NALCN: variants seen among roughly 807,000 people sequenced by gnomAD.
NALCN encodes sodium leak channel NALCN.
In NALCN, 111 loss-of-function variants were observed where a neutral mutation model predicts 225.3. The ratio of observed to expected loss-of-function variants is 0.49; its 90% confidence interval spans 0.42 to 0.58. The LOEUF is 0.58. Among genes scored for constraint, NALCN ranks in the 20% least tolerant of loss-of-function variants. The pLI, the probability that NALCN is intolerant of heterozygous loss-of-function variation, is 0.00. For synonymous variants in NALCN, 764 were observed against 769.0 expected, an observed-to-expected ratio of 0.99 and a Z score of 0.11; for missense variants, 1,378 against 2,202.4, an observed-to-expected ratio of 0.63 and a Z score of 7.49.
chr13:101,057,442 T>C (rs1273201890), intron 43 of NALCN: 1 of 177,524 alleles, frequency 5.6e-6, no homozygotes, highest in East Asian at 1.7e-4. Context: ...CGTAAGTGTT[T>C]GTTGTTGTTG....
At chr13:101,190,112 G>A (rs933454817) in intron 14 of NALCN, among the ~76,000 whole-genome samples, 14 of 152,024 alleles carry the variant, frequency 9.2e-5, no homozygotes, top group Non-Finnish European at 4.4e-5. Flanking sequence ...TTTTCTTCCA[G>A]CTTTCATTTT....
chr13:101,143,263 A>G (rs1403698450), intron 16 of NALCN, 42 bp from the exon 17 acceptor site: 1 of 1,550,988 alleles, frequency 6.4e-7, no homozygotes. Flanking sequence ...TTATTAGTGG[A>G]AGGGAGCAAG....
chr13:101,127,411 G>T (rs944965709), intron 17 of NALCN, among the ~76,000 whole-genome samples: 13 of 151,996 alleles, frequency 8.6e-5, no homozygotes, highest in African/African-American at 3.1e-4. Flanking sequence ...CAGGTTGGAG[G>T]GCAGTGGTGT....
At chr13:101,402,557 C>T (rs958334053) in intron 1 of NALCN, among the ~76,000 whole-genome samples, 1 of 152,194 alleles carries the variant, frequency 6.6e-6, no homozygotes. Context: ...TCCCTTGCAG[C>T]TCTCTTGGGT....
At chr13:101,237,592 A>C (rs1173122490) in intron 12 of NALCN, among the ~76,000 whole-genome samples, 163 bp downstream of exon 12, 1 of 151,552 alleles carries the variant, frequency 6.6e-6, no homozygotes, top group Non-Finnish European at 1.5e-5. Context: ...CACTTTTCTA[A>C]TTTGTAAGAT....
Position 101,081,550 on chromosome 13 carries a change from C to T in NALCN, c.3862G>A (p.Val1288Met), listed in dbSNP as rs774003752. Residue 1288 changes from valine to methionine, a missense_variant, in exon 34 of 44, where the codon GTG becomes ATG. Val to Met is a conservative substitution (Grantham distance 21). Transcript: ENST00000251127. ...LLVTSLGVVW[V>M]VLHFALLNAY... is the part of the protein sequence containing the mutation. Reference sequence around the variant, plus strand: ...ACCAGGAGGGCAAAGTGAAGCACCACCCATACAACGCCAAGCGACGTCACC... The same window carrying T: ...ACCAGGAGGGCAAAGTGAAGCACCATCCATACAACGCCAAGCGACGTCACC... 6.2e-7 allele frequency: 1 copy of T among 1,614,134 alleles called. No homozygotes were observed. The highest frequency in any genetic ancestry group is 8.5e-7 in the Non-Finnish European group (1 of 1,180,006).
chr13:101,286,398 T>A (rs1025170155), intron 9 of NALCN, among the ~76,000 whole-genome samples: 16 of 152,264 alleles, frequency 1.1e-4, no homozygotes, highest in African/African-American at 3.9e-4. Flanking sequence ...TTTCCTGTAT[T>A]TCCTTCTTCT....
At chr13:101,247,800 C>A (rs1214095678) in intron 11 of NALCN, among the ~76,000 whole-genome samples, 1 of 152,030 alleles carries the variant, frequency 6.6e-6, no homozygotes, top group Non-Finnish European at 1.5e-5. Flanking sequence ...CCTGATGCTA[C>A]CCCTCCCCCC....
intron 15 of NALCN, among the ~76,000 whole-genome samples, chr13:101,166,871 T>C (rs12583782): frequency 0.15 from 22,656 of 152,194 alleles, 2,181 homozygotes; most frequent in East Asian, 0.47. Flanking sequence ...AGGTCCTTAA[T>C]CCATTTTGAG....
chr13:101,196,525 C>A (rs544748214), intron 13 of NALCN, among the ~76,000 whole-genome samples: 103 of 152,210 alleles, frequency 6.8e-4, no homozygotes, highest in African/African-American at 2.4e-3. Context: ...AATACAGGGG[C>A]AGAGAATTAT....
rs1260718380 is a variant in NALCN, at chr13:101,266,734, C to T, written c.1135-8160G>A. On this transcript the variant is annotated intron_variant, in intron 10 of 43. Transcript: ENST00000251127. Reference sequence around the variant, plus strand: ...TCTCAGAAACCATCTTGCATATGAGCCATGAACATAAGAACAAGGACACAA... The same window carrying T: ...TCTCAGAAACCATCTTGCATATGAGTCATGAACATAAGAACAAGGACACAA... 3.9e-5 allele frequency among the ~76,000 whole-genome samples: 6 copies of T among 152,112 alleles called. No homozygotes were observed. In the South Asian group the frequency reaches 8.3e-4, roughly 21 times the overall value.
chr13:101,239,506 A>G (rs895623336), intron 11 of NALCN, among the ~76,000 whole-genome samples: 3 of 152,016 alleles, frequency 2.0e-5, no homozygotes, highest in Non-Finnish European at 2.9e-5. Flanking sequence ...AGTCACTAAC[A>G]ATCGTGGATA....
chr13:101,096,740 GC>G (rs2139581138), intron 27 of NALCN, among the ~76,000 whole-genome samples: 1 of 152,240 alleles, frequency 6.6e-6, no homozygotes, highest in South Asian at 2.1e-4. Flanking sequence ...TCTCAATAAA[GC>G]TGTTAAAAAG....
intron 7 of NALCN, among the ~76,000 whole-genome samples, chr13:101,329,269 G>C (rs1354467851): frequency 1.3e-5 from 2 of 152,164 alleles, no homozygotes; most frequent in African/African-American, 4.8e-5. Flanking sequence ...AGGTAATTCT[G>C]AATTAGGGTT....
intron 13 of NALCN, among the ~76,000 whole-genome samples, chr13:101,222,634 C>T (rs1017203449): frequency 6.6e-6 from 1 of 152,134 alleles, no homozygotes; most frequent in African/African-American, 2.4e-5. Flanking sequence ...TAGAGGCTGC[C>T]CCCTTGCCTT....
chr13:101,120,508 C>T (rs1409016364), intron 18 of NALCN, among the ~76,000 whole-genome samples: 1 of 136,790 alleles, frequency 7.3e-6, no homozygotes, highest in Non-Finnish European at 1.5e-5. Flanking sequence ...CAATGGGGAT[C>T]AATGCCAAAC....
At chr13:101,346,087 C>CTCTATATATATATATA in intron 6 of NALCN, among the ~76,000 whole-genome samples, 19 of 70,968 alleles carry the variant, frequency 2.7e-4, no homozygotes, top group African/African-American at 1.0e-3. Context: ...CTCTCTCTCT[C>CTCTATATATATATATA]TATATATATA....
intron 18 of NALCN, 65 bp downstream of exon 18, chr13:101,124,543 A>T: frequency 1.4e-6 from 2 of 1,391,134 alleles, no homozygotes; most frequent in East Asian, 2.3e-5. Flanking sequence ...TTTTTCAAAA[A>T]GCTATTTTTC....
At chr13:101,254,496 A>C (rs1422332567) in intron 11 of NALCN, among the ~76,000 whole-genome samples, 1 of 152,068 alleles carries the variant, frequency 6.6e-6, no homozygotes, top group Admixed American at 6.6e-5. Context: ...CTGGTTGTTT[A>C]AGTCAACAAA....
Sources: allele counts gnomAD v4.1 joint callset (sites outside exome capture counted in the v4.1 genomes callset), GRCh38; gene constraint gnomAD v4.1.1; transcripts MANE v1.5; gene names NCBI Gene and HGNC (gene_info 2026-07-23, HGNC 2026-07-21).